The following NUP155 variants were observed in gnomAD, a reference collection of about 807,000 sequenced individuals.
NUP155 encodes nuclear pore complex protein Nup155.
Under a neutral mutation model 180.4 loss-of-function variants are expected in NUP155, and 71 were observed. That is an observed-to-expected ratio of 0.39 (90% CI 0.33 to 0.48). NUP155 has a LOEUF of 0.48. NUP155 is among the 20% of genes least tolerant of loss of function. The pLI is 0.91. For missense variants in NUP155, 1,553 were observed against 1,648.9 expected, an observed-to-expected ratio of 0.94 and a Z score of 1.01; for synonymous variants, 582 against 559.5, an observed-to-expected ratio of 1.04 and a Z score of -0.57.
chr5:37,346,281 A>G (rs1192796926), intron 9 of NUP155, among the ~76,000 whole-genome samples: 2 of 152,172 alleles, frequency 1.3e-5, no homozygotes, highest in Non-Finnish European at 2.9e-5. Context: ...CTGTCTGAAA[A>G]AAAAAACAAA....
rs753682232 is a variant in NUP155 at position 37,341,176 on chromosome 5, A to G, written c.1160T>C (p.Leu387Pro). The change falls in exon 11 of 35, where the codon CTG (leucine) becomes CCG (proline). Residue 387 changes from leucine (L) to proline (P), a missense_variant. Leu to Pro is a moderately conservative substitution (Grantham distance 98). Coordinates refer to ENST00000231498, the MANE Select transcript of NUP155 (RefSeq NM_153485.3). Reference sequence around the variant, plus strand: ...TCCAGGAGGTAAGCGGACATGAACCAGCGTCAGTGTATTAGGCCGTGCTAA... The same window carrying G: ...TCCAGGAGGTAAGCGGACATGAACCGGCGTCAGTGTATTAGGCCGTGCTAA... ...QPLARPNTLT[L>P]VHVRLPPGFS... The G allele has an allele frequency of 1.5e-5, 24 of 1,613,892 alleles. No individual in the cohort carries two copies. In the Admixed American group the frequency reaches 3.2e-4, roughly 21 times the overall value.
At chr5:37,328,767 A>G (rs2150964744) in intron 16 of NUP155, among the ~76,000 whole-genome samples, 1 of 152,298 alleles carries the variant, frequency 6.6e-6, no homozygotes, top group South Asian at 2.1e-4. Flanking sequence ...GGCCTCCCAA[A>G]GTCCTGGGAT....
intron 4 of NUP155, among the ~76,000 whole-genome samples, chr5:37,353,649 C>T (rs1746618351): frequency 6.6e-6 from 1 of 151,900 alleles, no homozygotes; most frequent in African/African-American, 2.4e-5. Context: ...ACAGATGAAC[C>T]TTGAGGACAT....
At position 37,292,902 on chromosome 5, in the gene NUP155, G is replaced by A. The variant is rs905604441; in HGVS notation, c.4014C>T (p.Pro1338=). Residue 1338 remains proline, a synonymous_variant, in exon 34 of 35, where the codon CCC becomes CCT. Transcript: ENST00000231498. ...ACCTTTCACAATTTAAAACTTGGCT[G>A]GGATTCTCAACATATCTTATCAATA... ...HVLLIRYVEN[P]SQVLNCERRR... The A allele has an allele frequency of 3.7e-6, 6 of 1,609,346 alleles. No individual in the cohort carries two copies. The highest frequency in any genetic ancestry group is 1.7e-4 in the Middle Eastern group (1 of 5,820).
At chr5:37,296,198 G>A (rs1271475803) in intron 32 of NUP155, among the ~76,000 whole-genome samples, 8 of 152,308 alleles carry the variant, frequency 5.3e-5, no homozygotes, top group Admixed American at 2.0e-4. Flanking sequence ...CATTGAGAAC[G>A]GGCCATGATG....
chr5:37,292,175 A>G lies in NUP155; in HGVS notation c.4038-137T>C. 3 of 840,994 alleles carry G rather than the reference A, an allele frequency of 3.6e-6. No individual in the cohort carries two copies. The South Asian group carries it at 5.0e-5, about 14-fold the overall frequency. The allele number at this position is 840,994 out of a possible 1,614,324, so 52.1% of individuals were successfully genotyped here. On this transcript the variant is annotated intron_variant, in intron 34 of 34. Coordinates refer to ENST00000231498, the MANE Select transcript of NUP155 (RefSeq NM_153485.3). ...ATGTGATTAAGTAAATAAGAAATAAAGTAAAAAAGAAAACTTGGGTGTAGG... is the reference window on the plus strand; with the variant it reads ...ATGTGATTAAGTAAATAAGAAATAAGGTAAAAAAGAAAACTTGGGTGTAGG...
At chr5:37,305,009 ACTT>A (rs1743073137) in intron 26 of NUP155, 45 bp downstream of exon 26, 2 of 1,599,600 alleles carry the variant, frequency 1.3e-6, no homozygotes, top group Non-Finnish European at 1.7e-6. Flanking sequence ...ACCATGGAGA[ACTT>A]CTAAACAGTG....
At chr5:37,306,912 AAG>A (rs563573226) in intron 25 of NUP155, among the ~76,000 whole-genome samples, 4 of 152,102 alleles carry the variant, frequency 2.6e-5, no homozygotes, top group African/African-American at 9.6e-5. Flanking sequence ...CCTTTACACA[AAG>A]AGGCCAGACA....
Position 37,371,031 on chromosome 5 carries a change from A to G in NUP155, c.-54T>C, listed in dbSNP as rs2111787653. On this transcript the variant is annotated 5_prime_UTR_variant, in exon 1 of 35. Coordinates refer to ENST00000231498, the MANE Select transcript of NUP155 (RefSeq NM_153485.3). ...AAAAAGTCAAAAACCAAGGAGAAAC[A>G]AGAAAAGATCCAAGAAGTTAGCTTA... The G allele has an allele frequency of 1.3e-6, 2 of 1,588,298 alleles. No individual in the cohort carries two copies. The highest frequency in any genetic ancestry group is 1.7e-6 in the Non-Finnish European group (2 of 1,160,550).
At chr5:37,315,495 AT>A (rs1561778460) in intron 21 of NUP155, among the ~76,000 whole-genome samples, 1 of 152,230 alleles carries the variant, frequency 6.6e-6, no homozygotes, top group African/African-American at 2.4e-5. Flanking sequence ...AAAAAGGCAT[AT>A]TACTAATCAT....
At chr5:37,300,822 A>T (rs1742821910) in intron 30 of NUP155, among the ~76,000 whole-genome samples, 1 of 138,962 alleles carries the variant, frequency 7.2e-6, no homozygotes, top group Non-Finnish European at 1.6e-5. Flanking sequence ...CACCTGGCTA[A>T]TTTTTTTTTT....
intron 20 of NUP155, among the ~76,000 whole-genome samples, chr5:37,323,339 A>C (rs960882084): frequency 6.6e-6 from 1 of 152,178 alleles, no homozygotes; most frequent in African/African-American, 2.4e-5. Flanking sequence ...CATTCTTATT[A>C]GCCAAAAAGC....
chr5:37,309,197 G>T lies in NUP155; in HGVS notation c.2699C>A (p.Ser900Ter). Residue 900 changes from serine to a stop codon, truncating the protein, a stop_gained, in exon 24 of 35, where the codon TCA (serine) becomes TAA (stop). Coordinates refer to ENST00000231498, the MANE Select transcript of NUP155 (RefSeq NM_153485.3). LOFTEE classifies it high-confidence loss of function. ...GCTAATTTTTTGATATTCCTTTAAT[G>T]ATTCCCTTAACATTCTTTCTTTTTC... ...KTEKERMLRE[S>*]LKEYQKISNQ... 1 of 1,613,266 alleles carries T rather than the reference G, an allele frequency of 6.2e-7. No homozygotes were observed. The highest frequency in any genetic ancestry group is 8.5e-7 in the Non-Finnish European group (1 of 1,179,454).
chr5:37,291,813 A>G lies in NUP155; in HGVS notation c.*87T>C, dbSNP rs1742245529. 8.3e-7 allele frequency: 1 copy of G among 1,211,200 alleles called. No homozygotes were observed. The allele number at this position is 1,211,200 out of a possible 1,614,324, so 75.0% of individuals were successfully genotyped here. ...ATATTTCTATTAAGATTGTTCTTAC[A>G]TTCTTAGATTTAGAACACCTGATAT... On this transcript the variant is annotated 3_prime_UTR_variant, in exon 35 of 35. Coordinates refer to ENST00000231498, the MANE Select transcript of NUP155 (RefSeq NM_153485.3).
chr5:37,349,947 C>T (rs1746351467), intron 7 of NUP155, among the ~76,000 whole-genome samples: 1 of 152,162 alleles, frequency 6.6e-6, no homozygotes, highest in Non-Finnish European at 1.5e-5. Context: ...TTTGATGCTA[C>T]ATTTATAGGA....
chr5:37,349,212 C>T lies in NUP155; in HGVS notation c.863G>A (p.Arg288Lys). ...CTCAGATCGTGTATATAAAATATTT[C>T]TAGAATTATCAATTGCAATTTGAAG... ...PILQIAIDNS[R>K]NILYTRSEKG... Residue 288 changes from arginine (R) to lysine (K), a missense_variant, in exon 8 of 35, where the codon AGA (arginine) becomes AAA (lysine). Arg to Lys is a conservative substitution (Grantham distance 26, BLOSUM62 2). Transcript: ENST00000231498. The T allele has an allele frequency of 1.2e-6, 1 of 811,880 alleles. No homozygotes were observed. The highest frequency in any genetic ancestry group is 1.9e-6 in the Non-Finnish European group (1 of 522,326). 50.3% of individuals were successfully genotyped at this position (811,880 alleles called of 1,614,324 possible). A position where few individuals can be genotyped will look rare whatever the true frequency, so the allele number is the denominator to read the frequency against.
rs2150965143 is a variant in NUP155 at position 37,329,292 on chromosome 5, A to G, written c.1725-14T>C. 1.2e-6 allele frequency: 2 copies of G among 1,602,782 alleles called. No homozygotes were observed. The highest frequency in any genetic ancestry group is 2.2e-5 in the East Asian group (1 of 44,748). On this transcript the variant is annotated splice_polypyrimidine_tract_variant and intron_variant, in intron 15 of 34. Transcript: ENST00000231498. Reference sequence around the variant, plus strand: ...TCACCACCATACCTATTTTTATGACAAGAGGTTGAGTTTATTCAGTAAAAC... The same window carrying G: ...TCACCACCATACCTATTTTTATGACGAGAGGTTGAGTTTATTCAGTAAAAC...
intron 12 of NUP155, among the ~76,000 whole-genome samples, chr5:37,336,392 G>A (rs1464883829): frequency 2.0e-5 from 3 of 151,602 alleles, no homozygotes; most frequent in African/African-American, 7.3e-5. Context: ...GAGGTGGGAG[G>A]ACTGCTTGGG....
At chr5:37,295,355 G>T (rs1199979087) in intron 32 of NUP155, among the ~76,000 whole-genome samples, 1 of 152,180 alleles carries the variant, frequency 6.6e-6, no homozygotes, top group Non-Finnish European at 1.5e-5. Context: ...AGTGCTCAAT[G>T]GTGCCCAGGC....
Sources: allele counts gnomAD v4.1 joint callset (sites outside exome capture counted in the v4.1 genomes callset), GRCh38; gene constraint gnomAD v4.1.1; transcripts MANE v1.5; gene names NCBI Gene and HGNC (gene_info 2026-07-23, HGNC 2026-07-21).